Variants in PCDHGB1 observed in about 807,000 individuals in gnomAD.
PCDHGB1 encodes the protein protocadherin gamma-B1.
PCDHGB1 carries 34 observed loss-of-function variants against 56.6 expected under a neutral mutation model. The observed-to-expected ratio is 0.60, with a 90% CI of 0.46 to 0.80. The LOEUF is 0.80. PCDHGB1 is among the 30% of genes least tolerant of loss of function. PCDHGB1 has a pLI of 0.00. For missense variants in PCDHGB1, 1,278 were observed against 1,204.6 expected, an observed-to-expected ratio of 1.06 and a Z score of -0.90; for synonymous variants, 561 against 505.9, an observed-to-expected ratio of 1.11 and a Z score of -1.46.
intron 2 of PCDHGB1, among the ~76,000 whole-genome samples, chr5:141,505,180 A>G (rs1435197883): frequency 6.6e-6 from 1 of 152,200 alleles, no homozygotes; most frequent in Non-Finnish European, 1.5e-5. Context: ...AGAAAAAAGC[A>G]TCGGAGGCAG....
intron 1 of PCDHGB1, among the ~76,000 whole-genome samples, chr5:141,463,479 C>T (rs1162346496): frequency 4.1e-5 from 5 of 120,544 alleles, no homozygotes; most frequent in Non-Finnish European, 8.1e-5. Flanking sequence ...GATGGAGTCT[C>T]GCTCTGTCAC....
chr5:141,461,921 T>G (rs2099026403), intron 1 of PCDHGB1, among the ~76,000 whole-genome samples: 1 of 152,222 alleles, frequency 6.6e-6, no homozygotes, highest in Non-Finnish European at 1.5e-5. Flanking sequence ...CCTCCTGGGT[T>G]CCAGCAATTC....
At chr5:141,354,107 A>G (rs1280239556) in intron 1 of PCDHGB1, among the ~76,000 whole-genome samples, 1 of 152,252 alleles carries the variant, frequency 6.6e-6, no homozygotes, top group African/African-American at 2.4e-5. Flanking sequence ...CTAAAATGAG[A>G]GCTAAAGTAA....
chr5:141,355,590 A>C, intron 1 of PCDHGB1: 2 of 1,613,952 alleles, frequency 1.2e-6, no homozygotes, highest in Non-Finnish European at 1.7e-6. Context: ...ATGATAACCC[A>C]CCCAGTTTTG....
Position 141,351,339 on chromosome 5 carries a change from C to A in PCDHGB1, c.1079C>A (p.Thr360Asn). Residue 360 changes from threonine (T) to asparagine (N), a missense_variant, in exon 1 of 4, where the codon ACT (threonine) becomes AAT (asparagine). Physicochemically the swap from Thr to Asn is moderately conservative, Grantham distance 65. Transcript: ENST00000523390. ...ATTCCAGAGGATTCAGACCTTGGAACTGTAATAGCCCTCATAAAAGTGCGA... is the reference window on the plus strand; with the variant it reads ...ATTCCAGAGGATTCAGACCTTGGAAATGTAATAGCCCTCATAAAAGTGCGA... ...NQIPEDSDLGTVIALIKVRDK... is the reference protein window; with the variant it reads ...NQIPEDSDLGNVIALIKVRDK... The A allele has an allele frequency of 6.2e-7, 1 of 1,613,532 alleles. No individual in the cohort carries two copies.
intron 1 of PCDHGB1, among the ~76,000 whole-genome samples, chr5:141,437,526 G>A (rs1199002765): frequency 1.3e-5 from 2 of 152,160 alleles, no homozygotes; most frequent in East Asian, 3.8e-4. Context: ...GATGACAAAT[G>A]AGCAAATTGT....
intron 1 of PCDHGB1, chr5:141,356,275 T>C: frequency 6.4e-7 from 1 of 1,560,692 alleles, no homozygotes; most frequent in Non-Finnish European, 8.7e-7. Context: ...AGTCCAGGAA[T>C]CTTCTTCCCC....
chr5:141,427,616 C>T (rs922511046), intron 1 of PCDHGB1: 1 of 693,880 alleles, frequency 1.4e-6, no homozygotes, highest in Non-Finnish European at 2.6e-6. Context: ...GTGAAGTCAA[C>T]GACAATGCTC....
Position 141,499,370 on chromosome 5 carries a change from A to T in PCDHGB1, c.2468+4505A>T, listed in dbSNP as rs546430948. ...CATTCAACAAACAAATAGCAACTTA[A>T]TTTTTTTCCACTTATAAAATAGTAC... On this transcript the variant is annotated intron_variant, in intron 2 of 3. Coordinates refer to ENST00000523390, the MANE Select transcript of PCDHGB1 (RefSeq NM_018922.3). 2.0e-3 allele frequency among the ~76,000 whole-genome samples: 300 copies of T among 152,286 alleles called. 1 individual carries two copies. The highest frequency in any genetic ancestry group is 2.7e-3 in the Non-Finnish European group (184 of 68,028).
chr5:141,403,762 T>G (rs1217388200), intron 1 of PCDHGB1: 1 of 1,613,854 alleles, frequency 6.2e-7, no homozygotes, highest in Non-Finnish European at 8.5e-7. Flanking sequence ...GCGACCTGGA[T>G]GAGGGAATCA....
At chr5:141,467,672 A>T (rs1410623274) in intron 1 of PCDHGB1, among the ~76,000 whole-genome samples, 2 of 151,636 alleles carry the variant, frequency 1.3e-5, no homozygotes, top group Non-Finnish European at 2.9e-5. Context: ...GAAGATTTTT[A>T]TTTTTTTTAG....
chr5:141,401,819 G>A (rs2094196222), intron 1 of PCDHGB1, among the ~76,000 whole-genome samples: 3 of 152,280 alleles, frequency 2.0e-5, no homozygotes, highest in Middle Eastern at 3.4e-3. Flanking sequence ...TCCTTACAAA[G>A]TGCTGAGATT....
intron 1 of PCDHGB1, chr5:141,418,643 C>A (rs188546091): frequency 2.9e-5 from 46 of 1,614,022 alleles, no homozygotes; most frequent in Admixed American, 6.7e-5. Context: ...CACCTCCATC[C>A]TGAGAGTGAA....
rs915257485 is a variant in PCDHGB1, at chr5:141,476,018, A to T, written c.2410-18789A>T. ...AACGGCATCCAGAAAGCCATGTCGG[A>T]CTCGGCGCCCAGCGCCCAAGCGCTA... On this transcript the variant is annotated intron_variant, in intron 1 of 3. Transcript: ENST00000523390. This position sits in a 1 kb window ranked among gnomAD's most constrained non-coding sequence, Gnocchi z 7.6. The T allele has an allele frequency of 5.8e-6, 8 of 1,371,412 alleles. No homozygotes were observed. Among genetic ancestry groups the T allele is most frequent in the Non-Finnish European group, 7.9e-6 (8 of 1,016,908 alleles). The allele number at this position is 1,371,412 out of a possible 1,614,324, so 85.0% of individuals were successfully genotyped here.
At chr5:141,379,309 C>T (rs1297432422) in intron 1 of PCDHGB1, 3 of 152,102 alleles carry the variant, frequency 2.0e-5, no homozygotes, top group Admixed American at 1.3e-4. Context: ...TATACCTAAA[C>T]AAGAGATCTA....
intron 1 of PCDHGB1, among the ~76,000 whole-genome samples, chr5:141,420,686 C>T (rs781004859): frequency 1.3e-4 from 20 of 152,258 alleles, no homozygotes; most frequent in Admixed American, 4.6e-4. Context: ...TTATCGGGAC[C>T]GTATTATTTC....
At chr5:141,391,452 C>T (rs1004301347) in intron 1 of PCDHGB1, 13 of 152,114 alleles carry the variant, frequency 8.5e-5, no homozygotes, top group African/African-American at 3.1e-4. Context: ...AGCTGGAACT[C>T]AGGCTCATGC....
intron 1 of PCDHGB1, chr5:141,419,502 T>C: frequency 6.2e-7 from 1 of 1,612,388 alleles, no homozygotes; most frequent in Admixed American, 1.7e-5. Context: ...AATGTGAGCC[T>C]GCGCGTGTTG....
At chr5:141,388,773 GGGGAAATTACT>G (rs1376289371) in intron 1 of PCDHGB1, 2 of 1,613,690 alleles carry the variant, frequency 1.2e-6, no homozygotes, top group African/African-American at 2.7e-5. Context: ...CTCTAACACC[GGGGAAATTACT>G]GTTTTAAATA....
Sources: gnomAD v4.1 joint callset for allele counts (sites outside exome capture counted in the v4.1 genomes callset) on GRCh38, gnomAD v4.1.1 for gene constraint, Gnocchi (gnomAD v3.1) non-coding constraint, MANE v1.5 for transcripts, NCBI Gene and HGNC (gene_info 2026-07-23, HGNC 2026-07-21) for gene names.